Variants in FGD3 observed in about 807,000 individuals in gnomAD.
FGD3 encodes the protein FYVE, RhoGEF and PH domain containing 3.
FGD3 carries 45 observed loss-of-function variants against 71.8 expected under a neutral mutation model. That is an observed-to-expected ratio of 0.63 (90% CI 0.49 to 0.80). The LOEUF (loss-of-function observed/expected upper bound fraction) is 0.80, where lower values mean the gene tolerates loss of function less well. Among genes scored for constraint, FGD3 ranks in the 30% least tolerant of loss-of-function variants. The pLI is 0.00. For synonymous variants in FGD3, 378 were observed against 392.8 expected, an observed-to-expected ratio of 0.96 and a Z score of 0.44; for missense variants, 844 against 951.5, an observed-to-expected ratio of 0.89 and a Z score of 1.49.
At chr9:92,953,902 T>C (rs960792933) in intron 1 of FGD3, among the ~76,000 whole-genome samples, 10 of 152,202 alleles carry the variant, frequency 6.6e-5, no homozygotes, top group African/African-American at 2.4e-4. Context: ...AAGTAGAAAT[T>C]AAATTTTCCA....
intron 17 of FGD3, 49 bp downstream of exon 17, chr9:93,034,730 C>T (rs1261789082): frequency 1.3e-6 from 2 of 1,583,176 alleles, no homozygotes; most frequent in Middle Eastern, 1.8e-4. Context: ...CCCAGAGCCT[C>T]AGGCCTGAGG....
chr9:92,994,239 T>C (rs1027561550), intron 3 of FGD3, among the ~76,000 whole-genome samples: 8 of 152,252 alleles, frequency 5.3e-5, no homozygotes, highest in African/African-American at 1.9e-4. Context: ...TTTTTTCATG[T>C]GTATGTTGGC....
At chr9:92,992,384 G>A (rs1860447061) in intron 3 of FGD3, among the ~76,000 whole-genome samples, 1 of 152,170 alleles carries the variant, frequency 6.6e-6, no homozygotes, top group Non-Finnish European at 1.5e-5. Flanking sequence ...CCAGATATAA[G>A]ACTGTCTTGA....
chr9:93,001,946 G>A (rs972659691), intron 3 of FGD3, among the ~76,000 whole-genome samples: 3 of 152,208 alleles, frequency 2.0e-5, no homozygotes, highest in Non-Finnish European at 2.9e-5. Context: ...TGAAGACACA[G>A]CCTTCATCTC....
At chr9:92,968,045 TG>T (rs1175378821) in intron 1 of FGD3, among the ~76,000 whole-genome samples, 1 of 152,214 alleles carries the variant, frequency 6.6e-6, no homozygotes, top group Non-Finnish European at 1.5e-5. Flanking sequence ...TCAAACCTTT[TG>T]GGAGAAACAT....
At chr9:92,962,719 T>C (rs1477518716) in intron 1 of FGD3, among the ~76,000 whole-genome samples, 1 of 152,116 alleles carries the variant, frequency 6.6e-6, no homozygotes, top group Non-Finnish European at 1.5e-5. Flanking sequence ...GGCAGACAGA[T>C]CACCTGAGGT....
At chr9:92,980,522 G>C (rs1229667336) in intron 3 of FGD3, among the ~76,000 whole-genome samples, 1 of 150,124 alleles carries the variant, frequency 6.7e-6, no homozygotes, top group Admixed American at 6.6e-5. Context: ...CTTCTCTTTT[G>C]AGTTTCTTGA....
At chr9:93,026,845 G>A (rs536726901) in intron 14 of FGD3, among the ~76,000 whole-genome samples, 189 of 152,370 alleles carry the variant, frequency 1.2e-3, no homozygotes, top group Non-Finnish European at 2.1e-3. Context: ...TGCTGCCCCT[G>A]GGTGCCGTGG....
chr9:93,021,715 G>A (rs1861927116), intron 13 of FGD3, among the ~76,000 whole-genome samples: 1 of 152,160 alleles, frequency 6.6e-6, no homozygotes, highest in Non-Finnish European at 1.5e-5. Flanking sequence ...ACCTCCAGGG[G>A]TCTGCCTGGC....
At chr9:93,025,462 C>G (rs1005881393) in intron 14 of FGD3, among the ~76,000 whole-genome samples, 21 of 152,200 alleles carry the variant, frequency 1.4e-4, no homozygotes, top group African/African-American at 3.9e-4. Context: ...GTGTCTGTGT[C>G]AAGCTGCACA....
intron 1 of FGD3, among the ~76,000 whole-genome samples, chr9:92,960,863 A>G (rs1445808026): frequency 6.6e-6 from 1 of 151,838 alleles, no homozygotes; most frequent in South Asian, 2.1e-4. Context: ...CCTCTCTCCC[A>G]GTGGGTGATC....
chr9:92,948,959 G>A (rs2118486785), intron 1 of FGD3, among the ~76,000 whole-genome samples: 1 of 152,288 alleles, frequency 6.6e-6, no homozygotes. Flanking sequence ...CAAACCTCAG[G>A]ACTCACTGGG....
intron 1 of FGD3, among the ~76,000 whole-genome samples, chr9:92,970,953 C>T (rs773465524): frequency 1.3e-5 from 2 of 152,190 alleles, no homozygotes; most frequent in Non-Finnish European, 2.9e-5. Context: ...CTCTATCCAG[C>T]TCTCTTTGTT....
chr9:92,950,684 C>A (rs1188776395), intron 1 of FGD3, among the ~76,000 whole-genome samples: 1 of 152,164 alleles, frequency 6.6e-6, no homozygotes, highest in African/African-American at 2.4e-5. Context: ...TAGCCCGAGT[C>A]CCTTCTGACC....
intron 14 of FGD3, among the ~76,000 whole-genome samples, chr9:93,028,624 G>C (rs1447760498): frequency 6.6e-6 from 1 of 152,220 alleles, no homozygotes; most frequent in Non-Finnish European, 1.5e-5. Context: ...GGGGTTGCAG[G>C]CTATTGTAAC....
chr9:93,032,339 A>G (rs909764044), intron 15 of FGD3: 4 of 186,380 alleles, frequency 2.1e-5, no homozygotes, highest in Non-Finnish European at 4.6e-5. Flanking sequence ...CAATTTCTCC[A>G]CATCCGTGCC....
intron 1 of FGD3, among the ~76,000 whole-genome samples, chr9:92,957,709 C>T (rs1281360433): frequency 2.9e-5 from 4 of 138,268 alleles, no homozygotes; most frequent in South Asian, 4.6e-4. Context: ...GACAGAGTCT[C>T]GCTCTGTTGC....
chr9:93,002,833 C>T, intron 3 of FGD3, 92 bp from the exon 4 acceptor site: 1 of 1,301,790 alleles, frequency 7.7e-7, no homozygotes, highest in Non-Finnish European at 1.1e-6. Flanking sequence ...CCCCTGTGGC[C>T]CCTGGTTCTC....
chr9:92,950,573 C>G (rs1363082349), intron 1 of FGD3, among the ~76,000 whole-genome samples: 1 of 152,204 alleles, frequency 6.6e-6, no homozygotes, highest in Non-Finnish European at 1.5e-5. Context: ...GAGGCCAGGA[C>G]TGTTCCGTGC....
Sources: gnomAD v4.1 joint callset for allele counts (sites outside exome capture counted in the v4.1 genomes callset) on GRCh38, gnomAD v4.1.1 for gene constraint, MANE v1.5 for transcripts, NCBI Gene and HGNC (gene_info 2026-07-23, HGNC 2026-07-21) for gene names.